The following TNFRSF21 variants were observed in gnomAD, a reference collection of about 807,000 sequenced individuals.
TNFRSF21 encodes the protein tumor necrosis factor receptor superfamily member 21.
A neutral mutation model predicts 45.6 loss-of-function variants in TNFRSF21; 19 were observed. That is an observed-to-expected ratio of 0.42 (90% CI 0.29 to 0.61). The LOEUF (loss-of-function observed/expected upper bound fraction) is 0.61, where lower values mean the gene tolerates loss of function less well. TNFRSF21 is among the 20% of genes least tolerant of loss of function. The probability of loss-of-function intolerance (pLI) is 0.23; values close to 1 mark genes in which losing one functional copy is unlikely to be tolerated. For synonymous variants in TNFRSF21, 314 were observed against 335.5 expected, an observed-to-expected ratio of 0.94 and a Z score of 0.70; for missense variants, 737 against 851.5, an observed-to-expected ratio of 0.87 and a Z score of 1.67.
intron 1 of TNFRSF21, among the ~76,000 whole-genome samples, chr6:47,308,698 C>T (rs981294175): frequency 7.2e-5 from 11 of 152,240 alleles, no homozygotes; most frequent in Non-Finnish European, 1.5e-4. Context: ...ACATCTCCTT[C>T]CCCCTCCCCC....
intron 3 of TNFRSF21, among the ~76,000 whole-genome samples, chr6:47,253,992 G>T (rs1329513826): frequency 6.6e-6 from 1 of 152,158 alleles, no homozygotes; most frequent in African/African-American, 2.4e-5. Context: ...CCTTCTTCTT[G>T]TAGATCTTAG....
intron 1 of TNFRSF21, among the ~76,000 whole-genome samples, chr6:47,295,673 G>T (rs1164883529): frequency 6.6e-6 from 1 of 152,146 alleles, no homozygotes; most frequent in Non-Finnish European, 1.5e-5. Context: ...TTAGAATTCT[G>T]TAGATTTGAA....
chr6:47,297,514 T>G lies in TNFRSF21; in HGVS notation c.97-10919A>C, dbSNP rs1377799270. On this transcript the variant is annotated intron_variant, in intron 1 of 5. Coordinates refer to ENST00000296861, the MANE Select transcript of TNFRSF21 (RefSeq NM_014452.5). ...GGAAAATCCTTTCTCTTTTTACTTT[T>G]TTTTTTTTTTTTTTTTTGAGTTTTT... 1.2e-4 allele frequency among the ~76,000 whole-genome samples: 16 copies of G among 137,814 alleles called. No individual in the cohort carries two copies. In the South Asian group the frequency reaches 3.2e-3, roughly 27 times the overall value. The allele number at this position is 137,814 out of a possible 152,430, so 90.4% of individuals were successfully genotyped here. A position where few individuals can be genotyped will look rare whatever the true frequency, so the allele number is the denominator to read the frequency against.
At chr6:47,234,220 G>C (rs554679965) in intron 5 of TNFRSF21, among the ~76,000 whole-genome samples, 2 of 152,140 alleles carry the variant, frequency 1.3e-5, no homozygotes, top group Non-Finnish European at 2.9e-5. Context: ...CAAGTGATCC[G>C]CCCACCTCGG....
chr6:47,248,454 T>G (rs1764853114), intron 4 of TNFRSF21, among the ~76,000 whole-genome samples: 1 of 151,720 alleles, frequency 6.6e-6, no homozygotes, highest in African/African-American at 2.4e-5. Flanking sequence ...TAAGTCTCTC[T>G]GCACATACAA....
At chr6:47,259,517 T>C (rs1469181815) in intron 3 of TNFRSF21, among the ~76,000 whole-genome samples, 1 of 152,002 alleles carries the variant, frequency 6.6e-6, no homozygotes, top group Non-Finnish European at 1.5e-5. Flanking sequence ...TAGAACTACA[T>C]GTGTGCACCA....
rs140788398 is a variant in TNFRSF21, at chr6:47,273,811, G to A, written c.1243+10127C>T. Reference sequence around the variant, plus strand: ...CTTAAGCTGAGGATATAAAATCAATGTGCAAAAATCACAAGCATTCCTATA... The same window carrying A: ...CTTAAGCTGAGGATATAAAATCAATATGCAAAAATCACAAGCATTCCTATA... On this transcript the variant is annotated intron_variant, in intron 3 of 5. Transcript: ENST00000296861. Among the ~76,000 whole-genome samples, 294 of 151,850 alleles carry A rather than the reference G, an allele frequency of 1.9e-3. 2 individuals carry two copies. Among genetic ancestry groups the A allele is most frequent in the African/African-American group, 6.5e-3 (271 of 41,480 alleles).
intron 3 of TNFRSF21, among the ~76,000 whole-genome samples, chr6:47,275,325 A>C (rs1306094657): frequency 6.6e-6 from 1 of 152,258 alleles, no homozygotes; most frequent in Non-Finnish European, 1.5e-5. Flanking sequence ...CTATGCAGCC[A>C]TAAAAAAGAT....
chr6:47,276,987 T>G (rs1015897797), intron 3 of TNFRSF21, among the ~76,000 whole-genome samples: 3 of 152,062 alleles, frequency 2.0e-5, no homozygotes, highest in Non-Finnish European at 4.4e-5. Flanking sequence ...TTTTTGGTTT[T>G]GTTTTGTTTT....
intron 4 of TNFRSF21, among the ~76,000 whole-genome samples, chr6:47,247,573 G>C (rs1039446704): frequency 7.2e-5 from 11 of 152,208 alleles, no homozygotes; most frequent in Admixed American, 7.2e-4. Context: ...AGTCAGACCC[G>C]TAGATAAGGA....
intron 1 of TNFRSF21, among the ~76,000 whole-genome samples, chr6:47,306,982 A>T (rs531457573): frequency 4.4e-4 from 67 of 152,318 alleles, no homozygotes; most frequent in African/African-American, 1.5e-3. Flanking sequence ...AATGGGATAA[A>T]TACTTCTTGG....
At chr6:47,276,166 G>C (rs1582342631) in intron 3 of TNFRSF21, among the ~76,000 whole-genome samples, 3 of 152,262 alleles carry the variant, frequency 2.0e-5, no homozygotes, top group Admixed American at 2.0e-4. Flanking sequence ...TCTTCTCTAT[G>C]GCTCCAGTTT....
intron 1 of TNFRSF21, 89 bp downstream of exon 1, chr6:47,309,327 A>C: frequency 6.9e-7 from 1 of 1,452,266 alleles, no homozygotes; most frequent in Admixed American, 2.5e-5. Flanking sequence ...CGCCTCCCTA[A>C]GCCCCGGCCC....
In TNFRSF21 at chr6:47,272,055, A is replaced by G. The variant is rs1395091519; in HGVS notation, c.1243+11883T>C. Reference sequence around the variant, plus strand: ...CATACAAACAGACTTAGACTCCCACACAATAATAATGGGAGACTTTAACAC... The same window carrying G: ...CATACAAACAGACTTAGACTCCCACGCAATAATAATGGGAGACTTTAACAC... On this transcript the variant is annotated intron_variant, in intron 3 of 5. Coordinates refer to ENST00000296861, the MANE Select transcript of TNFRSF21 (RefSeq NM_014452.5). Among the ~76,000 whole-genome samples the G allele has an allele frequency of 2.0e-5, 3 of 152,208 alleles. No homozygotes were observed. The East Asian group carries it at 5.8e-4, about 29-fold the overall frequency.
chr6:47,237,690 T>C (rs1188167623), intron 4 of TNFRSF21, among the ~76,000 whole-genome samples: 1 of 152,220 alleles, frequency 6.6e-6, no homozygotes, highest in Non-Finnish European at 1.5e-5. Flanking sequence ...TCTGTAAAGA[T>C]ATATTAGGCT....
intron 3 of TNFRSF21, among the ~76,000 whole-genome samples, chr6:47,265,331 C>T (rs2113855416): frequency 6.6e-6 from 1 of 152,240 alleles, no homozygotes; most frequent in Admixed American, 6.5e-5. Flanking sequence ...ACAAGCTGGG[C>T]TTTGCTAAGG....
intron 4 of TNFRSF21, among the ~76,000 whole-genome samples, chr6:47,250,944 A>G (rs566960132): frequency 1.2e-3 from 176 of 152,360 alleles, no homozygotes; most frequent in African/African-American, 4.1e-3. Flanking sequence ...TCATGCATAC[A>G]CTTTTTCTAA....
At chr6:47,271,913 C>T (rs1762425666) in intron 3 of TNFRSF21, among the ~76,000 whole-genome samples, 2 of 151,968 alleles carry the variant, frequency 1.3e-5, no homozygotes, top group Non-Finnish European at 2.9e-5. Flanking sequence ...TCAAAAGAGA[C>T]AAAGAAGGCC....
intron 1 of TNFRSF21, among the ~76,000 whole-genome samples, chr6:47,295,445 TG>T (rs1389829276): frequency 6.6e-6 from 1 of 152,214 alleles, no homozygotes; most frequent in Non-Finnish European, 1.5e-5. Context: ...ATGAGTTTGT[TG>T]TAGAATTTTT....
Sources: allele counts gnomAD v4.1 joint callset (sites outside exome capture counted in the v4.1 genomes callset), GRCh38; gene constraint gnomAD v4.1.1; transcripts MANE v1.5; gene names NCBI Gene and HGNC (gene_info 2026-07-23, HGNC 2026-07-21).